Variants in ADAMTS2 observed in about 807,000 individuals in gnomAD.
ADAMTS2 encodes the protein ADAM metallopeptidase with thrombospondin type 1 motif 2, also known as A disintegrin and metalloproteinase with thrombospondin motifs 2.
ADAMTS2 carries 50 observed loss-of-function variants against 123.0 expected under a neutral mutation model. That is an observed-to-expected ratio of 0.41 (90% CI 0.32 to 0.51). ADAMTS2 has a LOEUF of 0.51. Among genes scored for constraint, ADAMTS2 ranks in the 20% least tolerant of loss-of-function variants. The pLI is 0.35. For missense variants in ADAMTS2, 1,494 were observed against 1,705.2 expected (o/e 0.88, Z 2.18); for synonymous variants, 678 against 695.4 (o/e 0.98, Z 0.39).
chr5:179,247,147 G>C (rs539125456), intron 3 of ADAMTS2, among the ~76,000 whole-genome samples: 1 of 152,144 alleles, frequency 6.6e-6, no homozygotes, highest in Admixed American at 6.5e-5. Flanking sequence ...CGTAAGTAAA[G>C]CAAGAACATA....
chr5:179,256,926 T>A lies in ADAMTS2; in HGVS notation c.688+15985A>T, dbSNP rs1020257443. 3.3e-5 allele frequency among the ~76,000 whole-genome samples: 5 copies of A among 152,236 alleles called. No homozygotes were observed. Among genetic ancestry groups the A allele is most frequent in the African/African-American group, 1.2e-4 (5 of 41,462 alleles). On this transcript the variant is annotated intron_variant, in intron 3 of 21. Coordinates refer to ENST00000251582, the MANE Select transcript of ADAMTS2 (RefSeq NM_014244.5). This position sits in a 1 kb window ranked among gnomAD's most constrained non-coding sequence, Gnocchi z 4.1. ...GCCTGGCTTTAGTCCAGCACCCCGA[T>A]GTACATACAGACGAGAAGACTGAGG...
At chr5:179,163,498 T>G (rs1763638108) in intron 5 of ADAMTS2, among the ~76,000 whole-genome samples, 1 of 152,160 alleles carries the variant, frequency 6.6e-6, no homozygotes, top group Non-Finnish European at 1.5e-5. Flanking sequence ...TAGTAAACAC[T>G]GGCTCAAATT....
At chr5:179,157,405 G>A (rs192685058) in intron 6 of ADAMTS2, among the ~76,000 whole-genome samples, 158 of 152,298 alleles carry the variant, frequency 1.0e-3, no homozygotes, top group African/African-American at 3.2e-3. Context: ...ACCTGGCTGC[G>A]CTGTGTTTGA....
intron 3 of ADAMTS2, among the ~76,000 whole-genome samples, chr5:179,246,420 AG>A (rs1403830056): frequency 6.6e-6 from 1 of 152,216 alleles, no homozygotes; most frequent in Non-Finnish European, 1.5e-5. Context: ...CCTGGGGCAC[AG>A]GACAATAGTT....
intron 2 of ADAMTS2, among the ~76,000 whole-genome samples, chr5:179,311,308 T>C (rs1478411867): frequency 2.0e-5 from 3 of 152,284 alleles, no homozygotes; most frequent in African/African-American, 7.2e-5. Flanking sequence ...TGCAGGGTCA[T>C]GCCCCTCCAC....
At chr5:179,226,113 G>A (rs374716500) in intron 3 of ADAMTS2, among the ~76,000 whole-genome samples, 3 of 151,752 alleles carry the variant, frequency 2.0e-5, no homozygotes, top group Non-Finnish European at 3.0e-5. Flanking sequence ...CACGCCCTGC[G>A]AGGAGGACAA....
At chr5:179,176,184 T>C (rs982387875) in intron 5 of ADAMTS2, among the ~76,000 whole-genome samples, 3 of 152,186 alleles carry the variant, frequency 2.0e-5, no homozygotes, top group Non-Finnish European at 4.4e-5. Context: ...GTTGTCCTGT[T>C]GCCCTCTGTT....
chr5:179,206,566 G>GC (rs528736162), intron 4 of ADAMTS2, among the ~76,000 whole-genome samples: 43 of 152,142 alleles, frequency 2.8e-4, no homozygotes, highest in African/African-American at 9.9e-4. Context: ...ATACCCCCCT[G>GC]CCCCTAGGGC....
chr5:179,335,943 G>A (rs993833212), intron 2 of ADAMTS2, among the ~76,000 whole-genome samples: 3 of 152,220 alleles, frequency 2.0e-5, no homozygotes, highest in Admixed American at 6.5e-5. Context: ...TTGTCGTTTA[G>A]GGGTTTTCAA....
chr5:179,314,421 G>A lies in ADAMTS2; in HGVS notation c.534+29346C>T, dbSNP rs1013733224. ...GCAAGGCCAGGCTCCTCCCCACCCC[G>A]TGGCGTGGCGTGGCGTGGCCGGAAT... On this transcript the variant is annotated intron_variant, in intron 2 of 21. Transcript: ENST00000251582. The surrounding 1 kb of genome is among the most constrained non-coding windows in gnomAD (Gnocchi z 4.5). 4.1e-5 allele frequency among the ~76,000 whole-genome samples: 6 copies of A among 146,278 alleles called. No individual in the cohort carries two copies. Among genetic ancestry groups the A allele is most frequent in the Admixed American group, 6.6e-5 (1 of 15,054 alleles).
At position 179,312,246 on chromosome 5, in the gene ADAMTS2, T is replaced by C. The variant is rs1756854048; in HGVS notation, c.534+31521A>G. Among the ~76,000 whole-genome samples, 1 of 152,144 alleles carries C rather than the reference T, an allele frequency of 6.6e-6. No individual in the cohort carries two copies. ...TGGAGTGACTGCTGGATTTTCCGGG[T>C]GGGCCCAGGGATAGACAGAATGTTT... On this transcript the variant is annotated intron_variant, in intron 2 of 21. Transcript: ENST00000251582. The surrounding 1 kb of genome is among the most constrained non-coding windows in gnomAD (Gnocchi z 4.2).
At chr5:179,191,273 C>T (rs1169765141) in intron 4 of ADAMTS2, among the ~76,000 whole-genome samples, 3 of 152,198 alleles carry the variant, frequency 2.0e-5, no homozygotes, top group Non-Finnish European at 4.4e-5. Context: ...CTCTGCTGAG[C>T]TTGTCGGCTG....
chr5:179,164,557 G>A (rs1187771063), intron 5 of ADAMTS2, among the ~76,000 whole-genome samples: 2 of 152,188 alleles, frequency 1.3e-5, no homozygotes, highest in Non-Finnish European at 2.9e-5. Flanking sequence ...CGCGGGAAGG[G>A]GACGGCAAGT....
intron 3 of ADAMTS2, among the ~76,000 whole-genome samples, chr5:179,219,052 A>C (rs1341066459): frequency 6.6e-6 from 1 of 152,122 alleles, no homozygotes; most frequent in African/African-American, 2.4e-5. Context: ...CATATGGCTC[A>C]TGGGGAGCCA....
At chr5:179,205,757 G>GTTGTTATTATTA (rs1554130226) in intron 4 of ADAMTS2, among the ~76,000 whole-genome samples, 6 of 115,930 alleles carry the variant, frequency 5.2e-5, no homozygotes, top group South Asian at 2.9e-4. Flanking sequence ...TGGTTTTATT[G>GTTGTTATTATTA]TTATTATTAT....
chr5:179,180,523 A>G lies in ADAMTS2; in HGVS notation c.975+549T>C, dbSNP rs1764020582. ...TTTAGAGACAGGAAACAACTCATCCATGAGCACATTTTTCAGATACAAACC... is the reference window on the plus strand; with the variant it reads ...TTTAGAGACAGGAAACAACTCATCCGTGAGCACATTTTTCAGATACAAACC... On this transcript the variant is annotated intron_variant, in intron 5 of 21. Coordinates refer to ENST00000251582, the MANE Select transcript of ADAMTS2 (RefSeq NM_014244.5). This position sits in a 1 kb window ranked among gnomAD's most constrained non-coding sequence, Gnocchi z 4.6. Among the ~76,000 whole-genome samples the G allele has an allele frequency of 6.6e-6, 1 of 152,168 alleles. No individual in the cohort carries two copies. The highest frequency in any genetic ancestry group is 2.1e-4 in the South Asian group (1 of 4,830).
chr5:179,323,538 G>GGA (rs1757240237), intron 2 of ADAMTS2, among the ~76,000 whole-genome samples: 2 of 152,238 alleles, frequency 1.3e-5, no homozygotes, highest in African/African-American at 4.8e-5. Context: ...GGAGCTCCCT[G>GGA]GAGAGTTCTT....
At chr5:179,277,368 C>CA in intron 2 of ADAMTS2, among the ~76,000 whole-genome samples, 1 of 25,084 alleles carries the variant, frequency 4.0e-5, no homozygotes, top group African/African-American at 1.4e-4. Flanking sequence ...GCTGACACCC[C>CA]CCGAGACCAA....
At chr5:179,164,730 G>A (rs1408265008) in intron 5 of ADAMTS2, among the ~76,000 whole-genome samples, 4 of 152,194 alleles carry the variant, frequency 2.6e-5, no homozygotes, top group Non-Finnish European at 4.4e-5. Context: ...GCCGTAGCTG[G>A]GACCCATGTT....
Sources: gnomAD v4.1 joint callset for allele counts (sites outside exome capture counted in the v4.1 genomes callset) on GRCh38, gnomAD v4.1.1 for gene constraint, Gnocchi (gnomAD v3.1) non-coding constraint, MANE v1.5 for transcripts, NCBI Gene and HGNC (gene_info 2026-07-23, HGNC 2026-07-21) for gene names.